UNC45B: variants seen among roughly 807,000 people sequenced by gnomAD.
UNC45B encodes the protein unc-45 myosin chaperone B.
Under a neutral mutation model 98.7 loss-of-function variants are expected in UNC45B, and 78 were observed. The observed-to-expected ratio is 0.79, with a 90% CI of 0.66 to 0.95. UNC45B has a LOEUF of 0.95. UNC45B is among the 40% of genes least tolerant of loss of function. The probability of loss-of-function intolerance (pLI) is 0.00; values close to 1 mark genes in which losing one functional copy is unlikely to be tolerated. For missense variants in UNC45B, 1,225 were observed against 1,184.9 expected, an observed-to-expected ratio of 1.03 and a Z score of -0.50; for synonymous variants, 462 against 480.4, an observed-to-expected ratio of 0.96 and a Z score of 0.50.
chr17:35,153,832 C>G (rs1384636462), intron 5 of UNC45B, among the ~76,000 whole-genome samples: 1 of 152,046 alleles, frequency 6.6e-6, no homozygotes, highest in African/African-American at 2.4e-5. Context: ...CTTTGCCCAC[C>G]TCCTCCCCTT....
chr17:35,183,354 G>A, intron 18 of UNC45B, 73 bp from the exon 19 acceptor site: 1 of 1,409,344 alleles, frequency 7.1e-7, no homozygotes, highest in East Asian at 2.6e-5. Context: ...GAGAACTTCA[G>A]ATGTATCTTT....
At chr17:35,152,778 C>T (rs1385460496) in intron 4 of UNC45B, 115 bp from the exon 5 acceptor site, 7 of 784,946 alleles carry the variant, frequency 8.9e-6, no homozygotes, top group South Asian at 4.1e-5. Flanking sequence ...CATGAATGAA[C>T]GTATGTGCGG....
chr17:35,168,477 C>A, intron 10 of UNC45B, 116 bp downstream of exon 10: 1 of 873,018 alleles, frequency 1.1e-6, no homozygotes, highest in Non-Finnish European at 1.5e-6. Flanking sequence ...TTCAAGGGGG[C>A]ACCAGACCCA....
chr17:35,157,381 T>C lies in UNC45B; in HGVS notation c.808+1917T>C, dbSNP rs56717770. 3.5e-4 allele frequency among the ~76,000 whole-genome samples: 53 copies of C among 152,244 alleles called. 1 individual carries two copies. The East Asian group carries it at 8.7e-3, about 25-fold the overall frequency. Reference sequence around the variant, plus strand: ...CAGCCTCTGCTAATTTTTGTATTTTTAGTAGAGACGGGGTTTTACCATGTT... The same window carrying C: ...CAGCCTCTGCTAATTTTTGTATTTTCAGTAGAGACGGGGTTTTACCATGTT... On this transcript the variant is annotated intron_variant, in intron 7 of 19. Transcript: ENST00000394570.
At chr17:35,153,459 A>G (rs1439222760) in intron 5 of UNC45B, among the ~76,000 whole-genome samples, 1 of 151,480 alleles carries the variant, frequency 6.6e-6, no homozygotes, top group African/African-American at 2.4e-5. Flanking sequence ...TACCAACATA[A>G]TCATCCTCTT....
intron 8 of UNC45B, among the ~76,000 whole-genome samples, chr17:35,160,067 G>A (rs1045211697): frequency 2.0e-4 from 30 of 152,164 alleles, no homozygotes; most frequent in African/African-American, 7.2e-4. Flanking sequence ...CTCCAAAGAT[G>A]ATTTTAAGGG....
At chr17:35,164,291 T>C (rs1187368263) in intron 9 of UNC45B, 125 bp downstream of exon 9, 1 of 1,225,728 alleles carries the variant, frequency 8.2e-7, no homozygotes, top group African/African-American at 1.6e-5. Context: ...AGAACAGAAA[T>C]TTGGGAGTGG....
rs1178554661 is a variant in UNC45B at position 35,188,063 on chromosome 17, T to C, written c.*1504T>C. On this transcript the variant is annotated 3_prime_UTR_variant, in exon 20 of 20. Coordinates refer to ENST00000394570, the MANE Select transcript of UNC45B (RefSeq NM_001267052.2). ...GTTGCGGTATGGGCCAAATCCAACA[T>C]AATACCCGCTGTACCTCTAGAGAAC... The C allele has an allele frequency of 6.6e-6, 1 of 152,230 alleles. No homozygotes were observed. 9.4% of individuals were successfully genotyped at this position (152,230 alleles called of 1,614,324 possible).
At chr17:35,177,189 C>T (rs1292046231) in intron 16 of UNC45B, 59 bp downstream of exon 16, 1 of 1,471,342 alleles carries the variant, frequency 6.8e-7, no homozygotes, top group Non-Finnish European at 9.4e-7. Context: ...CTCCTAGAGG[C>T]CTTTCCCCTT....
Position 35,186,688 on chromosome 17 carries a change from G to A in UNC45B, c.*129G>A. 9.1e-7 allele frequency: 1 copy of A among 1,094,888 alleles called. No homozygotes were observed. Among genetic ancestry groups the A allele is most frequent in the Non-Finnish European group, 1.3e-6 (1 of 778,290 alleles). 67.8% of individuals were successfully genotyped at this position (1,094,888 alleles called of 1,614,324 possible). On this transcript the variant is annotated 3_prime_UTR_variant, in exon 20 of 20. Transcript: ENST00000394570. ...CAATGAAGTCTCAATATAAAGGAAA[G>A]ACTTGATTGTTCTCTGAGTTGTGAG...
intron 5 of UNC45B, among the ~76,000 whole-genome samples, chr17:35,153,560 G>T (rs941640010): frequency 1.3e-5 from 2 of 151,774 alleles, no homozygotes; most frequent in South Asian, 2.1e-4. Context: ...ACATTTGCAA[G>T]AACTTGAGAG....
intron 3 of UNC45B, 79 bp downstream of exon 3, chr17:35,149,088 G>T: frequency 6.5e-7 from 1 of 1,549,030 alleles, no homozygotes; most frequent in Non-Finnish European, 8.9e-7. Context: ...TTACCATTTT[G>T]GGGGAAGAAA....
chr17:35,156,859 T>C lies in UNC45B; in HGVS notation c.808+1395T>C, dbSNP rs140909423. On this transcript the variant is annotated intron_variant, in intron 7 of 19. Coordinates refer to ENST00000394570, the MANE Select transcript of UNC45B (RefSeq NM_001267052.2). The stretch of plus-strand genomic sequence containing the variant: ...ATTGGAATTCTGCTATGAATAGTTA[T>C]ATGTTTTTTTCTGCACTGAGCATTA... Among the ~76,000 whole-genome samples, 311 of 152,348 alleles carry C rather than the reference T, an allele frequency of 2.0e-3. 2 individuals carry two copies. The highest frequency in any genetic ancestry group is 7.3e-3 in the African/African-American group (302 of 41,576).
intron 9 of UNC45B, 69 bp downstream of exon 9, chr17:35,164,235 C>G: frequency 6.7e-7 from 1 of 1,492,864 alleles, no homozygotes; most frequent in Non-Finnish European, 9.0e-7. Flanking sequence ...AACAAATTAT[C>G]TCAAAATTTA....
intron 7 of UNC45B, among the ~76,000 whole-genome samples, chr17:35,159,156 A>G (rs1353188013): frequency 6.6e-6 from 1 of 152,180 alleles, no homozygotes; most frequent in Non-Finnish European, 1.5e-5. Context: ...TGTAGAAGTC[A>G]GGGTTCAGGG....
rs1465685269 is a variant in UNC45B, at chr17:35,152,730, T to A, written c.382-163T>A. ...TCACAATTCTATTGTATTTATTAAT[T>A]CATCGTACTTATCCAGTAAATGTTT... On this transcript the variant is annotated intron_variant, in intron 4 of 19. Transcript: ENST00000394570. 2.0e-5 allele frequency among the ~76,000 whole-genome samples: 3 copies of A among 152,222 alleles called. No homozygotes were observed. The East Asian group carries it at 5.8e-4, about 29-fold the overall frequency.
chr17:35,178,130 C>T (rs1037981984), intron 17 of UNC45B, among the ~76,000 whole-genome samples: 4 of 152,144 alleles, frequency 2.6e-5, no homozygotes, highest in Admixed American at 2.6e-4. Context: ...AAACTCGTGA[C>T]CTCAGGTGAT....
Position 35,155,447 on chromosome 17 carries a change from A to T in UNC45B, c.791A>T (p.Glu264Val). 6.2e-7 allele frequency: 1 copy of T among 1,614,162 alleles called. No individual in the cohort carries two copies. The highest frequency in any genetic ancestry group is 1.3e-5 in the African/African-American group (1 of 75,054). ...GACAAGCGGGAGCATCGAGGGAAGG[A>T]GGAGGCCCTGGTTCTAGGTAGGAAA... is the stretch of plus-strand genomic sequence containing the variant. ...GEDKREHRGK[E>V]EALVLDTKKD... The change falls in exon 7 of 20, where the codon GAG becomes GTG. Residue 264 changes from glutamate (E) to valine (V), a missense_variant. Physicochemically the swap from Glu to Val is moderately radical, Grantham distance 121 (BLOSUM62 -2). Coordinates refer to ENST00000394570, the MANE Select transcript of UNC45B (RefSeq NM_001267052.2).
intron 17 of UNC45B, among the ~76,000 whole-genome samples, chr17:35,179,460 A>C (rs1212294182): frequency 6.6e-6 from 1 of 152,238 alleles, no homozygotes; most frequent in African/African-American, 2.4e-5. Flanking sequence ...ACGTATGTTT[A>C]TTGTGGCACT....
Sources: gnomAD v4.1 joint callset for allele counts (sites outside exome capture counted in the v4.1 genomes callset) on GRCh38, gnomAD v4.1.1 for gene constraint, MANE v1.5 for transcripts, NCBI Gene and HGNC (gene_info 2026-07-23, HGNC 2026-07-21) for gene names.